The following SDR42E2 variants were observed in gnomAD, a reference collection of about 807,000 sequenced individuals.
SDR42E2 encodes putative short-chain dehydrogenase/reductase family 42E member 2.
Under a neutral mutation model 10.5 loss-of-function variants are expected in SDR42E2, and 20 were observed. That is an observed-to-expected ratio of 1.90 (90% confidence interval 1.34 to 2.77). The LOEUF (loss-of-function observed/expected upper bound fraction) is 2.77, where lower values mean the gene tolerates loss of function less well. Ranked by LOEUF, SDR42E2 falls within the 30% of genes most tolerant of loss-of-function variation. SDR42E2 has a pLI of 0.00. For synonymous variants in SDR42E2, 72 were observed against 39.2 expected (o/e 1.84, Z -3.12); for missense variants, 162 against 104.2 (o/e 1.55, Z -2.42).
chr16:22,170,613 A>C (rs926542716), intron 5 of SDR42E2, among the ~76,000 whole-genome samples: 1 of 152,090 alleles, frequency 6.6e-6, no homozygotes, highest in African/African-American at 2.4e-5. Flanking sequence ...CAGAGCAGGA[A>C]CTTGACCTGC....
chr16:22,165,763 G>C (rs1175072134), intron 2 of SDR42E2, 126 bp downstream of exon 2: 2 of 401,132 alleles, frequency 5.0e-6, no homozygotes, highest in African/African-American at 4.1e-5. Context: ...GGGGCCCAAA[G>C]CTATTCCAGG....
intron 1 of SDR42E2, among the ~76,000 whole-genome samples, chr16:22,165,244 C>T (rs1425432176): frequency 1.3e-5 from 2 of 152,160 alleles, no homozygotes; most frequent in South Asian, 2.1e-4. Flanking sequence ...TGCCCCACTA[C>T]ACCCGGCTAA....
intron 8 of SDR42E2, among the ~76,000 whole-genome samples, chr16:22,180,955 A>G (rs1039964184): frequency 6.6e-5 from 10 of 152,146 alleles, no homozygotes; most frequent in African/African-American, 2.4e-4. Flanking sequence ...TGCAGTGACC[A>G]AGATCTTGCC....
intron 7 of SDR42E2, among the ~76,000 whole-genome samples, chr16:22,175,210 A>G (rs1027911387): frequency 2.0e-5 from 3 of 152,164 alleles, no homozygotes; most frequent in African/African-American, 7.2e-5. Flanking sequence ...CTGTAATCCC[A>G]GCACTTTGTG....
chr16:22,169,514 G>T lies in SDR42E2; in HGVS notation c.394+12G>T. The stretch of plus-strand genomic sequence containing the variant: ...ACTAGTGATTGATGGTAGGTGCTCA[G>T]AGCCGGGTATGACCTGCTGTGCCTC... On this transcript the variant is annotated intron_variant, in intron 5 of 12. Transcript: ENST00000602312. 1 of 703,492 alleles carries T rather than the reference G, an allele frequency of 1.4e-6. No homozygotes were observed. The highest frequency in any genetic ancestry group is 1.5e-5 in the South Asian group (1 of 67,594). 43.6% of individuals were successfully genotyped at this position (703,492 alleles called of 1,614,324 possible). A position where few individuals can be genotyped will look rare whatever the true frequency, so the allele number is the denominator to read the frequency against.
intron 7 of SDR42E2, among the ~76,000 whole-genome samples, chr16:22,176,375 G>C (rs1275853030): frequency 6.6e-6 from 1 of 152,130 alleles, no homozygotes; most frequent in Non-Finnish European, 1.5e-5. Flanking sequence ...TGTATTAATA[G>C]ATATGCTCAT....
chr16:22,172,231 TTC>T (rs901751190), intron 6 of SDR42E2, 23 bp from the exon 7 acceptor site: 1 of 702,908 alleles, frequency 1.4e-6, no homozygotes, highest in Admixed American at 2.0e-5. Flanking sequence ...TCTCTGGTGG[TTC>T]TGTTTTTCCT....
At chr16:22,182,826 C>T (rs893196961) in intron 10 of SDR42E2, among the ~76,000 whole-genome samples, 2 of 152,058 alleles carry the variant, frequency 1.3e-5, no homozygotes, top group Non-Finnish European at 2.9e-5. Flanking sequence ...AAAGCGAGGA[C>T]CCCTGTCTCT....
At chr16:22,166,165 C>G in intron 2 of SDR42E2, 85 bp from the exon 3 acceptor site, 1 of 439,208 alleles carries the variant, frequency 2.3e-6, no homozygotes, top group South Asian at 5.8e-5. Context: ...TGGGTCTACA[C>G]CTGAGCCAGA....
intron 12 of SDR42E2, among the ~76,000 whole-genome samples, chr16:22,187,814 C>T (rs1270454604): frequency 6.6e-6 from 1 of 151,972 alleles, no homozygotes; most frequent in African/African-American, 2.4e-5. Flanking sequence ...TCCTTCCAGT[C>T]CAGTCGGGCA....
At chr16:22,171,298 T>C (rs565067938) in intron 6 of SDR42E2, among the ~76,000 whole-genome samples, 1 of 152,238 alleles carries the variant, frequency 6.6e-6, no homozygotes, top group South Asian at 2.1e-4. Flanking sequence ...TGGAGTGCAG[T>C]GGCGTGATTT....
intron 7 of SDR42E2, among the ~76,000 whole-genome samples, chr16:22,174,103 C>T (rs1007052804): frequency 4.0e-5 from 6 of 151,336 alleles, no homozygotes; most frequent in East Asian, 1.9e-4. Flanking sequence ...GAGGCTGAGG[C>T]GGGCGGATCA....
intron 3 of SDR42E2, among the ~76,000 whole-genome samples, 163 bp from the exon 4 acceptor site, chr16:22,166,741 G>A (rs956326694): frequency 6.6e-6 from 1 of 152,132 alleles, no homozygotes; most frequent in Non-Finnish European, 1.5e-5. Flanking sequence ...GTGCCCTGTA[G>A]AATCATTTAG....
At position 22,169,987 on chromosome 16, in the gene SDR42E2, G is replaced by A. The variant is rs1001424462; in HGVS notation, c.394+485G>A. Among the ~76,000 whole-genome samples the A allele has an allele frequency of 1.3e-4, 20 of 151,946 alleles. 1 individual carries two copies. The highest frequency in any genetic ancestry group is 3.4e-4 in the African/African-American group (14 of 41,410). On this transcript the variant is annotated intron_variant, in intron 5 of 12. Coordinates refer to ENST00000602312, the MANE Select transcript of SDR42E2 (RefSeq NM_001394319.2). ...GCAGAGGTTGCAGTGAGCCGAGATC[G>A]TGCCACTGCTCTACAGCCTGGGTAA...
chr16:22,188,047 G>C (rs950598965), intron 12 of SDR42E2, among the ~76,000 whole-genome samples: 5 of 149,616 alleles, frequency 3.3e-5, no homozygotes, highest in African/African-American at 9.9e-5. Flanking sequence ...AGTGTGCTGA[G>C]ACCACACCAT....
intron 12 of SDR42E2, among the ~76,000 whole-genome samples, chr16:22,188,542 G>T (rs1245999439): frequency 6.6e-6 from 1 of 152,190 alleles, no homozygotes; most frequent in Non-Finnish European, 1.5e-5. Flanking sequence ...TTAAATGGTA[G>T]AGCTGGGATT....
chr16:22,174,586 A>G (rs1284604894), intron 7 of SDR42E2, among the ~76,000 whole-genome samples: 3 of 137,832 alleles, frequency 2.2e-5, no homozygotes, highest in Non-Finnish European at 4.6e-5. Context: ...TGGGCCAGTT[A>G]GGCCTGGACC....
intron 12 of SDR42E2, among the ~76,000 whole-genome samples, chr16:22,189,125 C>T (rs966167444): frequency 6.6e-6 from 1 of 152,160 alleles, no homozygotes; most frequent in African/African-American, 2.4e-5. Context: ...CTCCCCAAAG[C>T]CCTGCACTTA....
intron 4 of SDR42E2, among the ~76,000 whole-genome samples, chr16:22,169,184 G>A (rs1179511529): frequency 6.6e-6 from 1 of 152,036 alleles, no homozygotes. Flanking sequence ...ATTGAGTCCC[G>A]CCCACCACCC....
Sources: allele counts gnomAD v4.1 joint callset (sites outside exome capture counted in the v4.1 genomes callset), GRCh38; gene constraint gnomAD v4.1.1; transcripts MANE v1.5; gene names NCBI Gene and HGNC (gene_info 2026-07-23, HGNC 2026-07-21).